Variants in PSMA6 observed in about 807,000 individuals in gnomAD.
PSMA6 encodes proteasome subunit alpha type-6.
For synonymous variants in PSMA6, 88 were observed against 97.7 expected (o/e 0.90, Z 0.59); for missense variants, 170 against 294.8 (o/e 0.58, Z 3.10).
At chr14:35,293,137 A>G in intron 1 of PSMA6, 1 of 418,486 alleles carries the variant, frequency 2.4e-6, no homozygotes, top group South Asian at 1.7e-5. Context: ...ACAAATATCT[A>G]CAGAGTTCAA....
At chr14:35,299,162 G>A (rs764338934) in intron 1 of PSMA6, among the ~76,000 whole-genome samples, 8 of 151,710 alleles carry the variant, frequency 5.3e-5, no homozygotes, top group Non-Finnish European at 1.2e-4. Flanking sequence ...AAGTAGCTGG[G>A]AGTACAGGTA....
intron 1 of PSMA6, among the ~76,000 whole-genome samples, chr14:35,302,594 G>A (rs1443216271): frequency 1.3e-5 from 2 of 151,726 alleles, no homozygotes; most frequent in Non-Finnish European, 2.9e-5. Flanking sequence ...AACATTTTTA[G>A]CCATTATTTC....
chr14:35,304,334 C>T (rs1385229372), intron 1 of PSMA6, among the ~76,000 whole-genome samples: 1 of 152,126 alleles, frequency 6.6e-6, no homozygotes, highest in Non-Finnish European at 1.5e-5. Flanking sequence ...AATACTGTGC[C>T]ATTTTATATC....
chr14:35,282,544 G>A (rs1242312036), intron 1 of PSMA6, among the ~76,000 whole-genome samples: 1 of 152,016 alleles, frequency 6.6e-6, no homozygotes, highest in Non-Finnish European at 1.5e-5. Context: ...TACAGGATGA[G>A]CCATTGCACC....
chr14:35,308,280 G>T, intron 2 of PSMA6, 192 bp downstream of exon 2: 1 of 532,118 alleles, frequency 1.9e-6, no homozygotes, highest in South Asian at 2.6e-5. Context: ...AATTAGTCAG[G>T]CGTGGTGGCA....
intron 1 of PSMA6, among the ~76,000 whole-genome samples, chr14:35,283,375 AAAAG>A (rs1369803122): frequency 2.0e-5 from 3 of 151,800 alleles, no homozygotes; most frequent in South Asian, 2.1e-4. Context: ...AAAAAAAAAA[AAAAG>A]AGAGAGAAAG....
At chr14:35,281,434 C>A (rs184575108) in intron 1 of PSMA6, among the ~76,000 whole-genome samples, 5 of 152,324 alleles carry the variant, frequency 3.3e-5, no homozygotes. Context: ...CACAGTGCTT[C>A]TCAAACTTAA....
At chr14:35,310,095 C>A in intron 3 of PSMA6, 1 of 369,644 alleles carries the variant, frequency 2.7e-6, no homozygotes, top group Non-Finnish European at 5.2e-6. Flanking sequence ...TGATGGCTCA[C>A]TGGGTGCCAG....
At chr14:35,313,403 A>C (rs2051981980) in intron 5 of PSMA6, 1 of 178,546 alleles carries the variant, frequency 5.6e-6, no homozygotes, top group Non-Finnish European at 1.2e-5. Flanking sequence ...GTTCGAGGCC[A>C]GTCCTATTTA....
intron 4 of PSMA6, among the ~76,000 whole-genome samples, chr14:35,312,361 G>T (rs1473083586): frequency 6.6e-6 from 1 of 151,944 alleles, no homozygotes; most frequent in East Asian, 1.9e-4. Flanking sequence ...CAAAAAATTA[G>T]CTGGGCGTGG....
At chr14:35,310,615 A>G in intron 3 of PSMA6, 125 bp from the exon 4 acceptor site, 1 of 885,642 alleles carries the variant, frequency 1.1e-6, no homozygotes, top group Non-Finnish European at 1.8e-6. Context: ...AAAAAGCCGT[A>G]GCGGACCCTT....
At chr14:35,296,705 A>G (rs2051596306) in intron 1 of PSMA6, among the ~76,000 whole-genome samples, 1 of 152,216 alleles carries the variant, frequency 6.6e-6, no homozygotes, top group Non-Finnish European at 1.5e-5. Context: ...GAAATTTCAC[A>G]AATGACTGAG....
At chr14:35,285,355 C>A (rs3058484) in intron 1 of PSMA6, among the ~76,000 whole-genome samples, 2,118 of 141,572 alleles carry the variant, frequency 0.015, 63 homozygotes, top group African/African-American at 0.051. Context: ...AAACAAAAAA[C>A]AAAAAAAAAA....
intron 6 of PSMA6, 57 bp downstream of exon 6, chr14:35,314,512 G>T: frequency 6.5e-7 from 1 of 1,544,584 alleles, no homozygotes; most frequent in Non-Finnish European, 8.8e-7. Flanking sequence ...GTGAGTCCAT[G>T]TGTCCTATAA....
At chr14:35,307,673 G>A (rs2051856147) in intron 1 of PSMA6, among the ~76,000 whole-genome samples, 1 of 152,142 alleles carries the variant, frequency 6.6e-6, no homozygotes, top group Non-Finnish European at 1.5e-5. Flanking sequence ...GGCAGAGGTT[G>A]CAGTGAGCTC....
intron 1 of PSMA6, among the ~76,000 whole-genome samples, chr14:35,297,229 T>TG (rs570198620): frequency 1.3e-3 from 190 of 151,452 alleles, no homozygotes; most frequent in African/African-American, 4.2e-3. Flanking sequence ...TTTATTTTTT[T>TG]GGGGGGGATT....
At chr14:35,292,253 A>G, upstream of PSMA6, 1 of 1,326,658 alleles carries the variant, frequency 7.5e-7, no homozygotes, top group Non-Finnish European at 9.7e-7. Context: ...GCAGGCGCAT[A>G]CCTTCAAAGG....
intron 1 of PSMA6, among the ~76,000 whole-genome samples, chr14:35,305,685 T>TA (rs5807826): frequency 0.22 from 34,110 of 152,194 alleles, 3,902 homozygotes; most frequent in Non-Finnish European, 0.25. Context: ...AATAATCTGT[T>TA]ATATGTCAAA....
upstream of PSMA6, among the ~76,000 whole-genome samples, chr14:35,291,069 G>T (rs1274986782): frequency 1.3e-5 from 2 of 151,222 alleles, no homozygotes; most frequent in African/African-American, 4.9e-5. Context: ...ATAGCTCACT[G>T]CAACCTGGAT....
Sources: gnomAD v4.1 joint callset for allele counts (sites outside exome capture counted in the v4.1 genomes callset) on GRCh38, gnomAD v4.1.1 for gene constraint, MANE v1.5 for transcripts, NCBI Gene and HGNC (gene_info 2026-07-23, HGNC 2026-07-21) for gene names.